Variants in OSBP2 observed in about 807,000 individuals in gnomAD.
The protein encoded by OSBP2 is oxysterol binding protein 2.
A neutral mutation model predicts 96.0 loss-of-function variants in OSBP2; 66 were observed. The ratio of observed to expected loss-of-function variants is 0.69; its 90% CI spans 0.56 to 0.84. The LOEUF is 0.84. OSBP2 is among the 40% of genes least tolerant of loss of function. The pLI is 0.00. For missense variants in OSBP2, 1,038 were observed against 1,222.7 expected (o/e 0.85, Z 2.25); for synonymous variants, 525 against 520.9 (o/e 1.01, Z -0.11).
chr22:30,812,987 C>T (rs994551932), intron 2 of OSBP2, among the ~76,000 whole-genome samples: 2 of 151,974 alleles, frequency 1.3e-5, no homozygotes, highest in Non-Finnish European at 2.9e-5. Flanking sequence ...TTTATTCTAG[C>T]TATGGTTATT....
intron 2 of OSBP2, among the ~76,000 whole-genome samples, chr22:30,752,761 A>G (rs925875213): frequency 6.6e-6 from 1 of 152,170 alleles, no homozygotes; most frequent in African/African-American, 2.4e-5. Context: ...CTTTCCCAAG[A>G]GACAGATTTG....
intron 1 of OSBP2, among the ~76,000 whole-genome samples, chr22:30,709,850 T>C (rs2089318266): frequency 6.6e-6 from 1 of 151,910 alleles, no homozygotes; most frequent in Admixed American, 6.6e-5. Context: ...ATTAGTCTAA[T>C]TCTATCACTT....
chr22:30,758,803 T>G (rs1209688073), intron 2 of OSBP2, among the ~76,000 whole-genome samples: 1 of 151,946 alleles, frequency 6.6e-6, no homozygotes, highest in East Asian at 1.9e-4. Flanking sequence ...GATATAGGTG[T>G]GGTGGTGGGA....
At chr22:30,773,403 G>T (rs192868798) in intron 2 of OSBP2, among the ~76,000 whole-genome samples, 3 of 152,120 alleles carry the variant, frequency 2.0e-5, no homozygotes, top group Non-Finnish European at 4.4e-5. Context: ...AGCTTCCCAC[G>T]TAGTGGAAAG....
At chr22:30,892,238 G>C (rs926356963) in intron 8 of OSBP2, among the ~76,000 whole-genome samples, 13 of 152,182 alleles carry the variant, frequency 8.5e-5, no homozygotes, top group African/African-American at 2.9e-4. Flanking sequence ...GGTGTGAGCA[G>C]CTGGAAGGGC....
At chr22:30,898,538 G>A (rs892442682) in intron 12 of OSBP2, among the ~76,000 whole-genome samples, 1 of 152,100 alleles carries the variant, frequency 6.6e-6, no homozygotes, top group East Asian at 1.9e-4. Flanking sequence ...ATGGCGTAAG[G>A]TGAAGGAGAA....
intron 12 of OSBP2, among the ~76,000 whole-genome samples, chr22:30,901,117 G>A (rs1034349737): frequency 7.9e-5 from 12 of 152,174 alleles, no homozygotes; most frequent in Non-Finnish European, 1.6e-4. Flanking sequence ...CGCCCAGCCT[G>A]GAGTACAGTG....
chr22:30,794,413 C>T (rs986585084), intron 2 of OSBP2, among the ~76,000 whole-genome samples: 11 of 151,612 alleles, frequency 7.3e-5, no homozygotes, highest in Non-Finnish European at 1.0e-4. Flanking sequence ...GACAGGCGCC[C>T]GACATCATGT....
intron 2 of OSBP2, among the ~76,000 whole-genome samples, chr22:30,839,962 T>G (rs1330823254): frequency 6.6e-6 from 1 of 152,150 alleles, no homozygotes; most frequent in Non-Finnish European, 1.5e-5. Context: ...CTTCTAGGGT[T>G]TTTATGGTTT....
intron 2 of OSBP2, among the ~76,000 whole-genome samples, chr22:30,794,790 GTC>G (rs1482842830): frequency 6.9e-6 from 1 of 145,956 alleles, no homozygotes; most frequent in Non-Finnish European, 1.5e-5. Flanking sequence ...CAGTGAGACC[GTC>G]TCAAAAAAAA....
chr22:30,879,853 A>G (rs2039663860), intron 3 of OSBP2, among the ~76,000 whole-genome samples: 2 of 152,158 alleles, frequency 1.3e-5, no homozygotes, highest in Non-Finnish European at 2.9e-5. Flanking sequence ...GGAGTTTGAG[A>G]CCAGCCTGGC....
At chr22:30,814,022 G>A (rs1043848045) in intron 2 of OSBP2, among the ~76,000 whole-genome samples, 3 of 151,706 alleles carry the variant, frequency 2.0e-5, no homozygotes, top group African/African-American at 7.3e-5. Flanking sequence ...GGCTGGTCTC[G>A]AACTCCTGAC....
At position 30,889,491 on chromosome 22, in the gene OSBP2, T is replaced by C; in HGVS notation, c.1478T>C (p.Val493Ala). ...AGGGGGTCCCCACTTATGTGGCAGG[T>C]ACTAGATGGTGCCTCGCTCGTGCCC... ...SSVDWSSADN[V>A]LDGASLVPKG... Residue 493 changes from valine to alanine, a missense_variant and splice_region_variant, in exon 7 of 14, where the codon GTA becomes GCA. Val to Ala is a moderately conservative substitution (Grantham distance 64). Coordinates refer to ENST00000332585, the MANE Select transcript of OSBP2 (RefSeq NM_030758.4). The C allele has an allele frequency of 6.2e-7, 1 of 1,613,886 alleles. No individual in the cohort carries two copies. Among genetic ancestry groups the C allele is most frequent in the Non-Finnish European group, 8.5e-7 (1 of 1,179,988 alleles).
At chr22:30,725,202 A>AC (rs1170274742) in intron 1 of OSBP2, among the ~76,000 whole-genome samples, 1 of 145,144 alleles carries the variant, frequency 6.9e-6, no homozygotes, top group East Asian at 2.1e-4. Context: ...AAAAACAAAA[A>AC]AAAAACAAAA....
At chr22:30,886,163 G>T (rs141882275) in intron 3 of OSBP2, among the ~76,000 whole-genome samples, 1 of 152,246 alleles carries the variant, frequency 6.6e-6, no homozygotes, top group East Asian at 1.9e-4. Flanking sequence ...GGCGCAGCTT[G>T]GTTTTATATA....
At chr22:30,730,713 CCTGTCTCTCT>C (rs1569100081) in intron 1 of OSBP2, among the ~76,000 whole-genome samples, 1 of 52,968 alleles carries the variant, frequency 1.9e-5, no homozygotes, top group African/African-American at 8.3e-5. Flanking sequence ...GATTCGCTGC[CCTGTCTCTCT>C]CTCTCTCTCT....
chr22:30,730,774 C>CTCTCTCTCTCTATA, intron 1 of OSBP2, among the ~76,000 whole-genome samples: 1 of 13,836 alleles, frequency 7.2e-5, no homozygotes, highest in Non-Finnish European at 1.4e-4. Context: ...CTCTCTCTCT[C>CTCTCTCTCTCTATA]TATATATATA....
At chr22:30,818,944 G>A (rs2091114565) in intron 2 of OSBP2, among the ~76,000 whole-genome samples, 1 of 152,196 alleles carries the variant, frequency 6.6e-6, no homozygotes, top group Admixed American at 6.5e-5. Flanking sequence ...CAGGATATTT[G>A]GGGTAAGTGA....
chr22:30,749,286 G>C (rs1315839551), intron 2 of OSBP2, among the ~76,000 whole-genome samples: 1 of 152,180 alleles, frequency 6.6e-6, no homozygotes, highest in Admixed American at 6.5e-5. Context: ...AACTAAGAAT[G>C]CTTTTGTGTT....
Sources: allele counts gnomAD v4.1 joint callset (sites outside exome capture counted in the v4.1 genomes callset), GRCh38; gene constraint gnomAD v4.1.1; transcripts MANE v1.5; gene names NCBI Gene and HGNC (gene_info 2026-07-23, HGNC 2026-07-21).